The following SNX27 variants were observed in gnomAD, a reference collection of about 807,000 sequenced individuals.
SNX27 encodes the protein sorting nexin 27.
In SNX27, 22 loss-of-function variants were observed where a neutral mutation model predicts 71.6. The observed-to-expected ratio is 0.31, with a 90% CI of 0.22 to 0.44. SNX27 has a LOEUF of 0.44. SNX27 is among the 20% of genes least tolerant of loss of function. The pLI, the probability that SNX27 is intolerant of heterozygous loss-of-function variation, is 1.00. For missense variants in SNX27, 531 were observed against 698.6 expected (o/e 0.76, Z 2.70); for synonymous variants, 269 against 277.2 (o/e 0.97, Z 0.29).
intron 3 of SNX27, among the ~76,000 whole-genome samples, chr1:151,658,935 C>T (rs558241579): frequency 2.6e-5 from 4 of 152,108 alleles, no homozygotes; most frequent in Admixed American, 6.6e-5. Context: ...CCGCCCACCT[C>T]GGCCTCCCAA....
At chr1:151,633,513 G>T (rs912975131) in intron 1 of SNX27, among the ~76,000 whole-genome samples, 1 of 151,686 alleles carries the variant, frequency 6.6e-6, no homozygotes, top group Non-Finnish European at 1.5e-5. Context: ...GCCCAGGCTG[G>T]TCTCAAACTC....
At chr1:151,692,402 CTTCCTTTTTTTT>C in intron 8 of SNX27, 21 bp from the exon 9 acceptor site, 1 of 1,391,208 alleles carries the variant, frequency 7.2e-7, no homozygotes, top group Non-Finnish European at 9.5e-7. Context: ...CCTGTTTCTC[CTTCCTTTTTTTT>C]TTTTTTTTTT....
chr1:151,650,902 G>C (rs1669305574), intron 2 of SNX27, among the ~76,000 whole-genome samples: 1 of 152,158 alleles, frequency 6.6e-6, no homozygotes, highest in Non-Finnish European at 1.5e-5. Context: ...ATGTTTCAGA[G>C]AGCACAGGGT....
intron 4 of SNX27, 102 bp from the exon 5 acceptor site, chr1:151,662,064 C>G: frequency 1.4e-6 from 1 of 719,778 alleles, no homozygotes; most frequent in Non-Finnish European, 2.3e-6. Context: ...TTGGAACTCA[C>G]TTCTTCTCTA....
At chr1:151,682,623 G>A (rs1671018445) in intron 7 of SNX27, among the ~76,000 whole-genome samples, 2 of 152,164 alleles carry the variant, frequency 1.3e-5, no homozygotes, top group African/African-American at 4.8e-5. Flanking sequence ...AGTTTCGCAT[G>A]GCTTGGGAAA....
At chr1:151,634,569 CCTCT>C (rs1469796112) in intron 1 of SNX27, among the ~76,000 whole-genome samples, 1 of 152,142 alleles carries the variant, frequency 6.6e-6, no homozygotes, top group African/African-American at 2.4e-5. Context: ...TAGCTTAAGG[CCTCT>C]CTCTATTGGG....
chr1:151,638,963 C>G lies in SNX27; in HGVS notation c.387C>G (p.Ile129Met), dbSNP rs369713998. 1.9e-6 allele frequency: 3 copies of G among 1,614,022 alleles called. No individual in the cohort carries two copies. The highest frequency in any genetic ancestry group is 2.7e-5 in the African/African-American group (2 of 74,898). ...TTCGAGCAGGCGAGAAGGAATTGAT[C>G]TTGACAGTGTTATCTGTACCTCCTC... ...DLIRAGEKEL[I>M]LTVLSVPPHE... Residue 129 changes from isoleucine to methionine, a missense_variant, in exon 2 of 12, where the codon ATC (isoleucine) becomes ATG (methionine). Around this residue, in one of 5 missense-constraint regions of SNX27, gnomAD observed 47 missense variants for 41.4 expected, o/e 1.13. Transcript: ENST00000458013.
intron 2 of SNX27, among the ~76,000 whole-genome samples, chr1:151,656,274 C>A (rs1446338738): frequency 6.8e-6 from 1 of 146,180 alleles, no homozygotes; most frequent in Non-Finnish European, 1.5e-5. Context: ...AAGATATTCA[C>A]AATACACACA....
intron 8 of SNX27, among the ~76,000 whole-genome samples, chr1:151,688,048 A>T (rs16833469): frequency 6.6e-6 from 1 of 151,958 alleles, no homozygotes; most frequent in Non-Finnish European, 1.5e-5. Context: ...CCTGTACTAT[A>T]CCTGTCCAAT....
At chr1:151,621,977 T>C (rs536916812) in intron 1 of SNX27, among the ~76,000 whole-genome samples, 95 of 152,310 alleles carry the variant, frequency 6.2e-4, no homozygotes, top group African/African-American at 2.1e-3. Context: ...CGTTTGTGAG[T>C]TATGTGCTAG....
In SNX27 at chr1:151,662,184, G is replaced by C; in HGVS notation, c.820G>C (p.Asp274His). Reference sequence around the variant, plus strand: ...CCCCCAGAACTACAATGGTGTGTCCGACGTAGAGCTGAGAGTAGCATTACC... The same window carrying C: ...CCCCCAGAACTACAATGGTGTGTCCCACGTAGAGCTGAGAGTAGCATTACC... Reference protein sequence around the residue: ...ESDENYNGVSDVELRVALPDG... With the variant: ...ESDENYNGVSHVELRVALPDG... The change falls in exon 5 of 12, where the codon GAC becomes CAC. Residue 274 changes from aspartate (D) to histidine (H), a missense_variant. Transcript: ENST00000458013. 6.2e-7 allele frequency: 1 copy of C among 1,613,250 alleles called. No homozygotes were observed. The highest frequency in any genetic ancestry group is 8.5e-7 in the Non-Finnish European group (1 of 1,179,412).
intron 10 of SNX27, 140 bp from the exon 11 acceptor site, chr1:151,693,284 C>T: frequency 1.0e-6 from 1 of 966,800 alleles, no homozygotes; most frequent in Non-Finnish European, 1.6e-6. Context: ...ATGAACCAGG[C>T]CTGGGTTTTA....
chr1:151,619,094 A>G (rs1667558770), intron 1 of SNX27, among the ~76,000 whole-genome samples: 1 of 152,058 alleles, frequency 6.6e-6, no homozygotes, highest in Non-Finnish European at 1.5e-5. Flanking sequence ...TAATCCCAGC[A>G]CTTTGGGAAG....
chr1:151,657,204 C>T (rs1669736549), intron 2 of SNX27, among the ~76,000 whole-genome samples: 1 of 152,190 alleles, frequency 6.6e-6, no homozygotes, highest in Non-Finnish European at 1.5e-5. Context: ...GACAGTGTGT[C>T]CTTCTATTGT....
At chr1:151,664,042 A>G (rs1267049579) in intron 5 of SNX27, among the ~76,000 whole-genome samples, 5 of 150,288 alleles carry the variant, frequency 3.3e-5, no homozygotes, top group African/African-American at 4.9e-5. Flanking sequence ...GACAGGATAC[A>G]TATTTAAGCT....
chr1:151,616,256 T>C (rs1292985385), intron 1 of SNX27, among the ~76,000 whole-genome samples: 9 of 152,292 alleles, frequency 5.9e-5, no homozygotes, highest in African/African-American at 1.9e-4. Context: ...TTAATTTTCT[T>C]AAGGTTAAAG....
chr1:151,614,655 C>G (rs563271135), intron 1 of SNX27, among the ~76,000 whole-genome samples: 1 of 152,332 alleles, frequency 6.6e-6, no homozygotes, highest in South Asian at 2.1e-4. Context: ...TTCTAGATAA[C>G]TCAAAATTTG....
At chr1:151,626,872 A>G (rs1423610748) in intron 1 of SNX27, among the ~76,000 whole-genome samples, 1 of 152,148 alleles carries the variant, frequency 6.6e-6, no homozygotes, top group East Asian at 1.9e-4. Flanking sequence ...GAGAGACAAG[A>G]TAGTTTTTGT....
At chr1:151,616,200 T>C (rs1667417847) in intron 1 of SNX27, among the ~76,000 whole-genome samples, 1 of 152,242 alleles carries the variant, frequency 6.6e-6, no homozygotes. Context: ...AATAAATATG[T>C]CTTTGCACTA....
Sources: gnomAD v4.1 joint callset for allele counts (sites outside exome capture counted in the v4.1 genomes callset) on GRCh38, gnomAD v4.1.1 for gene constraint, gnomAD v4.1.1 regional missense constraint, MANE v1.5 for transcripts, NCBI Gene and HGNC (gene_info 2026-07-23, HGNC 2026-07-21) for gene names.